ADAMTS12: variants seen among roughly 807,000 people sequenced by gnomAD.
ADAMTS12 encodes A disintegrin and metalloproteinase with thrombospondin motifs 12.
A neutral mutation model predicts 167.8 loss-of-function variants in ADAMTS12; 118 were observed. The ratio of observed to expected loss-of-function variants is 0.70; its 90% confidence interval spans 0.61 to 0.82. The LOEUF (loss-of-function observed/expected upper bound fraction) is 0.82, where lower values mean the gene tolerates loss of function less well. Among genes scored for constraint, ADAMTS12 ranks in the 40% least tolerant of loss-of-function variants. The probability of loss-of-function intolerance (pLI) is 0.00; values close to 1 mark genes in which losing one functional copy is unlikely to be tolerated. For missense variants in ADAMTS12, 1,916 were observed against 1,998.8 expected (o/e 0.96, Z 0.79); for synonymous variants, 704 against 716.9 (o/e 0.98, Z 0.29).
At chr5:33,787,150 C>A (rs1460839770) in intron 2 of ADAMTS12, among the ~76,000 whole-genome samples, 1 of 151,992 alleles carries the variant, frequency 6.6e-6, no homozygotes, top group Non-Finnish European at 1.5e-5. Flanking sequence ...GGGAGTTTTT[C>A]CATTCTTGGA....
chr5:33,853,762 T>C (rs1749303017), intron 2 of ADAMTS12, among the ~76,000 whole-genome samples: 1 of 152,254 alleles, frequency 6.6e-6, no homozygotes, highest in Admixed American at 6.5e-5. Flanking sequence ...CTGTGTTTAA[T>C]GGGTCAATGC....
rs192117305 is a variant in ADAMTS12, at chr5:33,853,083, C to T, written c.489+28036G>A. Among the ~76,000 whole-genome samples the T allele has an allele frequency of 6.8e-3, 1,029 of 152,282 alleles. 16 individuals are homozygous for T. The highest frequency in any genetic ancestry group is 6.2e-3 in the Non-Finnish European group (425 of 68,014). The stretch of plus-strand genomic sequence containing the variant: ...CCTGTCTGCATGGGTACTGTCCTCC[C>T]GGAACCGAGCAGGGAGCCTAATTCT... On this transcript the variant is annotated intron_variant, in intron 2 of 23. Transcript: ENST00000504830.
chr5:33,855,226 A>G (rs1469561193), intron 2 of ADAMTS12, among the ~76,000 whole-genome samples: 1 of 152,244 alleles, frequency 6.6e-6, no homozygotes, highest in Non-Finnish European at 1.5e-5. Context: ...GTAACGTGGT[A>G]TGAGGCATGT....
chr5:33,619,363 G>A (rs531498803), intron 14 of ADAMTS12, among the ~76,000 whole-genome samples: 2 of 152,212 alleles, frequency 1.3e-5, no homozygotes, highest in African/African-American at 2.4e-5. Context: ...TCTGGTATTC[G>A]TTTATCTTCT....
intron 5 of ADAMTS12, among the ~76,000 whole-genome samples, chr5:33,677,769 T>A (rs6898041): frequency 0.011 from 1,684 of 152,288 alleles, 35 homozygotes; most frequent in African/African-American, 0.039. Context: ...GTTTGACACG[T>A]CTTTTCAGAA....
chr5:33,837,163 G>C (rs978587621), intron 2 of ADAMTS12, among the ~76,000 whole-genome samples: 3 of 152,170 alleles, frequency 2.0e-5, no homozygotes, highest in Non-Finnish European at 4.4e-5. Context: ...CAAACTCTTA[G>C]GGAGGAATGA....
At chr5:33,787,672 T>C (rs1204492292) in intron 2 of ADAMTS12, among the ~76,000 whole-genome samples, 1 of 152,156 alleles carries the variant, frequency 6.6e-6, no homozygotes, top group Non-Finnish European at 1.5e-5. Flanking sequence ...AGCAGGCCAT[T>C]TTTAAAAAGG....
At chr5:33,774,120 T>G (rs1745835161) in intron 2 of ADAMTS12, among the ~76,000 whole-genome samples, 1 of 152,206 alleles carries the variant, frequency 6.6e-6, no homozygotes, top group South Asian at 2.1e-4. Flanking sequence ...TTGGTTTCAC[T>G]CGACCCTAAT....
At chr5:33,743,703 C>T (rs180743714) in intron 3 of ADAMTS12, among the ~76,000 whole-genome samples, 93 of 152,306 alleles carry the variant, frequency 6.1e-4, no homozygotes, top group East Asian at 5.4e-3. Flanking sequence ...ATCCATCCAT[C>T]TATTCATCCA....
At chr5:33,548,225 G>A (rs1745078337) in intron 21 of ADAMTS12, among the ~76,000 whole-genome samples, 1 of 152,216 alleles carries the variant, frequency 6.6e-6, no homozygotes, top group African/African-American at 2.4e-5. Context: ...TTCGCTCAAT[G>A]CCCATTGGGC....
intron 2 of ADAMTS12, among the ~76,000 whole-genome samples, chr5:33,848,969 T>C (rs992617812): frequency 3.3e-5 from 5 of 150,906 alleles, no homozygotes; most frequent in African/African-American, 1.2e-4. Flanking sequence ...TATATATATG[T>C]ATTGCATAGC....
intron 17 of ADAMTS12, among the ~76,000 whole-genome samples, chr5:33,595,663 ACT>A (rs1396840080): frequency 2.6e-5 from 4 of 152,046 alleles, no homozygotes; most frequent in African/African-American, 7.2e-5. Flanking sequence ...TCCACTTAGC[ACT>A]CTCTTCACCA....
At chr5:33,715,849 T>C (rs1302436769) in intron 3 of ADAMTS12, among the ~76,000 whole-genome samples, 1 of 152,132 alleles carries the variant, frequency 6.6e-6, no homozygotes, top group East Asian at 1.9e-4. Context: ...ACCTTTGTTG[T>C]CAGGCCAGGG....
At chr5:33,642,315 C>T (rs1476109298) in intron 10 of ADAMTS12, among the ~76,000 whole-genome samples, 1 of 152,196 alleles carries the variant, frequency 6.6e-6, no homozygotes, top group Non-Finnish European at 1.5e-5. Flanking sequence ...TGCTTAGTAA[C>T]ATAGTTGATT....
At chr5:33,584,524 TTTGGGTACGACTGA>T (rs1312263651) in intron 18 of ADAMTS12, among the ~76,000 whole-genome samples, 1 of 152,170 alleles carries the variant, frequency 6.6e-6, no homozygotes, top group Non-Finnish European at 1.5e-5. Flanking sequence ...CTTCAGCACA[TTTGGGTACGACTGA>T]TTGAACAAGG....
rs147641514 is a variant in ADAMTS12, at chr5:33,524,053, T to C, written c.*3135A>G. On this transcript the variant is annotated 3_prime_UTR_variant, in exon 24 of 24. Transcript: ENST00000504830. ...ATCTAAAACAATATAATCTCTCACA[T>C]TGTGTTTCAGATACTGGATGAAGGT... The C allele has an allele frequency of 6.6e-6, 1 of 152,384 alleles. No homozygotes were observed. Among genetic ancestry groups the C allele is most frequent in the East Asian group, 1.9e-4 (1 of 5,192 alleles). 9.4% of individuals were successfully genotyped at this position (152,384 alleles called of 1,614,324 possible).
intron 2 of ADAMTS12, among the ~76,000 whole-genome samples, chr5:33,872,341 C>T (rs1273680203): frequency 6.6e-6 from 1 of 151,952 alleles, no homozygotes; most frequent in Non-Finnish European, 1.5e-5. Flanking sequence ...GTCAGGAGTT[C>T]GAGACCAGCC....
intron 13 of ADAMTS12, among the ~76,000 whole-genome samples, chr5:33,627,896 A>C (rs1739735627): frequency 6.6e-6 from 1 of 152,164 alleles, no homozygotes; most frequent in South Asian, 2.1e-4. Flanking sequence ...CAGTGGGAAG[A>C]TTGTCAGGTA....
At chr5:33,790,065 T>C (rs1287640818) in intron 2 of ADAMTS12, among the ~76,000 whole-genome samples, 3 of 152,214 alleles carry the variant, frequency 2.0e-5, no homozygotes, top group Admixed American at 2.0e-4. Context: ...TGTTATCTAA[T>C]AGATTATCAA....
Sources: allele counts gnomAD v4.1 joint callset (sites outside exome capture counted in the v4.1 genomes callset), GRCh38; gene constraint gnomAD v4.1.1; transcripts MANE v1.5; gene names NCBI Gene and HGNC (gene_info 2026-07-23, HGNC 2026-07-21).